Variants in FGD6 observed in about 807,000 individuals in gnomAD.
The protein encoded by FGD6 is FYVE, RhoGEF and PH domain containing 6, also known as FYVE, RhoGEF and PH domain-containing protein 6.
FGD6 carries 90 observed loss-of-function variants against 149.4 expected under a neutral mutation model. The ratio of observed to expected loss-of-function variants is 0.60; its 90% CI spans 0.51 to 0.72. The LOEUF (loss-of-function observed/expected upper bound fraction) is 0.72. FGD6 is among the 30% of genes least tolerant of loss of function. The probability of loss-of-function intolerance (pLI) is 0.00; values close to 1 mark genes in which losing one functional copy is unlikely to be tolerated. For missense variants in FGD6, 1,437 were observed against 1,684.8 expected (o/e 0.85, Z 2.57); for synonymous variants, 527 against 584.0 (o/e 0.90, Z 1.41).
At chr12:95,157,104 ATCTT>A (rs951687022) in intron 3 of FGD6, among the ~76,000 whole-genome samples, 5 of 152,194 alleles carry the variant, frequency 3.3e-5, no homozygotes, top group Non-Finnish European at 7.3e-5. Context: ...CTTGTTTTAA[ATCTT>A]TCTGTGAAAC....
Position 95,083,012 on chromosome 12 carries a change from AAT to A in FGD6, c.4257-1458_4257-1457del, listed in dbSNP as rs1555215600. Among the ~76,000 whole-genome samples, 152 of 20,032 alleles carry A rather than the reference AAT, an allele frequency of 7.6e-3. 5 individuals are homozygous for A. The highest frequency in any genetic ancestry group is 0.027 in the African/African-American group (92 of 3,390). 13.1% of individuals were successfully genotyped at this position (20,032 alleles called of 152,430 possible). ...AAAAAAAAAAAAAAAAAAAAAAAAA[AAT>A]ATATATATATATATATACACACACA... On this transcript the variant is annotated intron_variant, in intron 20 of 20. Coordinates refer to ENST00000343958, the MANE Select transcript of FGD6 (RefSeq NM_018351.4).
intron 11 of FGD6, among the ~76,000 whole-genome samples, chr12:95,107,924 C>T (rs546353846): frequency 6.6e-6 from 1 of 152,246 alleles, no homozygotes; most frequent in African/African-American, 2.4e-5. Flanking sequence ...TCCTGACAAC[C>T]GCATTTTGTA....
chr12:95,143,841 G>C (rs1316967531), intron 5 of FGD6, among the ~76,000 whole-genome samples: 1 of 152,190 alleles, frequency 6.6e-6, no homozygotes, highest in Non-Finnish European at 1.5e-5. Flanking sequence ...GTTTTGACCA[G>C]TTTAGTGATT....
chr12:95,108,602 A>G (rs374856366), intron 9 of FGD6, 41 bp from the exon 10 acceptor site: 15 of 1,608,164 alleles, frequency 9.3e-6, no homozygotes, highest in South Asian at 1.1e-5. Context: ...AGTAATTACA[A>G]TGGAAACAAA....
chr12:95,214,985 C>T (rs959802953), intron 1 of FGD6, among the ~76,000 whole-genome samples: 2 of 151,686 alleles, frequency 1.3e-5, no homozygotes, highest in Non-Finnish European at 2.9e-5. Flanking sequence ...ATCAGCCTCC[C>T]GAATAGCTGG....
At position 95,081,556 on chromosome 12, in the gene FGD6, C is replaced by T; in HGVS notation, c.4257G>A (p.Lys1419=). 1 of 1,603,130 alleles carries T rather than the reference C, an allele frequency of 6.2e-7. No homozygotes were observed. The highest frequency in any genetic ancestry group is 8.5e-7 in the Non-Finnish European group (1 of 1,174,834). The change falls in exon 21 of 21, where the codon AAG becomes AAA. Residue 1419 remains lysine, a splice_region_variant and synonymous_variant. Coordinates refer to ENST00000343958, the MANE Select transcript of FGD6 (RefSeq NM_018351.4). The part of the protein sequence containing the change: ...FKAEDAHSAQ[K]WIEAFQEGTI... Reference sequence around the variant, plus strand: ...TGCCTTCCTGAAATGCTTCTATCCACCTATTGATAAGAGAAATCGGTTAGA... The same window carrying T: ...TGCCTTCCTGAAATGCTTCTATCCATCTATTGATAAGAGAAATCGGTTAGA...
chr12:95,167,577 G>GTTT (rs57751064), intron 3 of FGD6, among the ~76,000 whole-genome samples: 43 of 138,340 alleles, frequency 3.1e-4, no homozygotes, highest in East Asian at 1.7e-3. Context: ...ACTGTTTGAG[G>GTTT]TTTTTTTTTT....
intron 1 of FGD6, among the ~76,000 whole-genome samples, chr12:95,215,015 C>T (rs2056747012): frequency 6.6e-6 from 1 of 152,042 alleles, no homozygotes; most frequent in Admixed American, 6.5e-5. Context: ...CGCACCCCAC[C>T]ACACCTGGCT....
chr12:95,216,695 C>CAAA (rs2056802044), intron 1 of FGD6, among the ~76,000 whole-genome samples: 1 of 135,938 alleles, frequency 7.4e-6, no homozygotes. Context: ...AAAAAAACCT[C>CAAA]AACAATCTCA....
At chr12:95,087,438 C>A (rs978689757) in intron 18 of FGD6, among the ~76,000 whole-genome samples, 1 of 152,132 alleles carries the variant, frequency 6.6e-6, no homozygotes, top group Admixed American at 6.5e-5. Context: ...TCCTTGCTGG[C>A]TTTGAACAAA....
intron 3 of FGD6, among the ~76,000 whole-genome samples, chr12:95,156,183 A>C (rs1453465137): frequency 6.6e-6 from 1 of 152,244 alleles, no homozygotes; most frequent in African/African-American, 2.4e-5. Context: ...AGCAATGTTC[A>C]GGGAACAAGA....
At chr12:95,156,624 C>G (rs559218622) in intron 3 of FGD6, among the ~76,000 whole-genome samples, 2 of 152,232 alleles carry the variant, frequency 1.3e-5, no homozygotes, top group South Asian at 2.1e-4. Flanking sequence ...ATTCTATTAC[C>G]TTGTGAAGCA....
intron 8 of FGD6, among the ~76,000 whole-genome samples, chr12:95,133,757 T>C (rs1158442385): frequency 6.6e-6 from 1 of 152,262 alleles, no homozygotes; most frequent in East Asian, 1.9e-4. Context: ...GAGACCCTAG[T>C]AGTAGGTGTT....
intron 15 of FGD6, 49 bp downstream of exon 15, chr12:95,094,542 TA>T: frequency 2.3e-6 from 3 of 1,321,364 alleles, no homozygotes; most frequent in Non-Finnish European, 1.1e-6. Context: ...ATGTTTAAGG[TA>T]AAAACTTTGA....
intron 3 of FGD6, among the ~76,000 whole-genome samples, chr12:95,154,058 C>T (rs1880394448): frequency 1.3e-5 from 2 of 151,918 alleles, no homozygotes; most frequent in Non-Finnish European, 2.9e-5. Context: ...CTCCGGGGTT[C>T]GAGAGATTCT....
chr12:95,163,227 C>G (rs893830878), intron 3 of FGD6, among the ~76,000 whole-genome samples: 1 of 152,180 alleles, frequency 6.6e-6, no homozygotes, highest in Non-Finnish European at 1.5e-5. Context: ...ATGCTCTCCC[C>G]TTCTGTGTCT....
At chr12:95,100,444 C>G (rs1321603374) in intron 14 of FGD6, 1 of 275,122 alleles carries the variant, frequency 3.6e-6, no homozygotes, top group Non-Finnish European at 7.2e-6. Flanking sequence ...AACAAAAGCA[C>G]AAACAGGACT....
chr12:95,160,262 A>G (rs897894368), intron 3 of FGD6, among the ~76,000 whole-genome samples: 1 of 152,164 alleles, frequency 6.6e-6, no homozygotes, highest in Non-Finnish European at 1.5e-5. Context: ...AGAATGGGCA[A>G]TAAGTATATA....
intron 5 of FGD6, among the ~76,000 whole-genome samples, chr12:95,150,257 C>A (rs994271729): frequency 6.6e-6 from 1 of 152,018 alleles, no homozygotes; most frequent in Non-Finnish European, 1.5e-5. Flanking sequence ...GAACTCCTGA[C>A]CTCATGTGAT....
Sources: gnomAD v4.1 joint callset for allele counts (sites outside exome capture counted in the v4.1 genomes callset) on GRCh38, gnomAD v4.1.1 for gene constraint, MANE v1.5 for transcripts, NCBI Gene and HGNC (gene_info 2026-07-23, HGNC 2026-07-21) for gene names.